PMP22: variants seen among roughly 807,000 people sequenced by gnomAD.
PMP22 encodes the protein peripheral myelin protein 22, also known as Charcot-Marie-Tooth neuropathy 1A (greatly reduced nerve conduction velocity, hereditary motor sensory neuropathy Ia).
A neutral mutation model predicts 18.9 loss-of-function variants in PMP22; 2 were observed. The ratio of observed to expected loss-of-function variants is 0.11; its 90% CI spans 0.04 to 0.33. PMP22 has a LOEUF of 0.33. Among genes scored for constraint, PMP22 ranks in the 10% least tolerant of loss-of-function variants. PMP22 has a pLI of 1.00. For missense variants in PMP22, 169 were observed against 202.2 expected, an observed-to-expected ratio of 0.84 and a Z score of 1.00; for synonymous variants, 95 against 89.2, an observed-to-expected ratio of 1.07 and a Z score of -0.37.
chr17:15,259,664 G>A (rs555053722), intron 2 of PMP22, among the ~76,000 whole-genome samples: 8 of 152,004 alleles, frequency 5.3e-5, no homozygotes, highest in Admixed American at 2.0e-4. Flanking sequence ...CTTACAGGCC[G>A]GGCACGGTGG....
chr17:15,246,083 A>T (rs1160660789), intron 3 of PMP22, among the ~76,000 whole-genome samples: 1 of 152,222 alleles, frequency 6.6e-6, no homozygotes, highest in African/African-American at 2.4e-5. Flanking sequence ...GGTTATTAGC[A>T]CATTGGCCAG....
At chr17:15,237,194 G>A (rs3785654) in intron 4 of PMP22, among the ~76,000 whole-genome samples, 24,488 of 152,112 alleles carry the variant, frequency 0.16, 3,165 homozygotes, top group African/African-American at 0.35. Flanking sequence ...TACTTAAATC[G>A]CAATACCTAG....
At chr17:15,237,151 G>T (rs1906886659) in intron 4 of PMP22, among the ~76,000 whole-genome samples, 1 of 152,176 alleles carries the variant, frequency 6.6e-6, no homozygotes, top group Middle Eastern at 3.2e-3. Flanking sequence ...GGAGGAGAAT[G>T]AAAATAGTGA....
At chr17:15,245,831 C>T (rs1406952980) in intron 3 of PMP22, among the ~76,000 whole-genome samples, 1 of 151,794 alleles carries the variant, frequency 6.6e-6, no homozygotes, top group African/African-American at 2.4e-5. Context: ...ACAGTGAAAA[C>T]CCGTCTCTAC....
chr17:15,245,768 A>G (rs1187503545), intron 3 of PMP22, among the ~76,000 whole-genome samples: 1 of 151,954 alleles, frequency 6.6e-6, no homozygotes, highest in African/African-American at 2.4e-5. Flanking sequence ...AGCACTTGGG[A>G]GGCCCAGGAG....
intron 4 of PMP22, among the ~76,000 whole-genome samples, chr17:15,231,310 G>T (rs1319390157): frequency 6.6e-6 from 1 of 152,108 alleles, no homozygotes; most frequent in African/African-American, 2.4e-5. Context: ...ATACCTGAGG[G>T]TTTTCTTTAC....
Position 15,257,252 on chromosome 17 carries a change from G to T in PMP22, c.178+1842C>A, listed in dbSNP as rs564187491. 3.9e-5 allele frequency among the ~76,000 whole-genome samples: 6 copies of T among 152,278 alleles called. No individual in the cohort carries two copies. The East Asian group carries it at 1.2e-3, about 29-fold the overall frequency. On this transcript the variant is annotated intron_variant, in intron 3 of 4. Coordinates refer to ENST00000312280, the MANE Select transcript of PMP22 (RefSeq NM_000304.4). ...GCACCAACTGACAGCTATTTCCAAC[G>T]GCAGAAGACACCAAATGTCAATCTG...
chr17:15,260,277 C>T (rs1489000403), intron 2 of PMP22: 1 of 293,804 alleles, frequency 3.4e-6, no homozygotes, highest in East Asian at 7.8e-5. Context: ...TTAATTCACC[C>T]ATCTGACTAT....
intron 3 of PMP22, among the ~76,000 whole-genome samples, chr17:15,257,566 C>G (rs1410131857): frequency 6.6e-6 from 1 of 152,196 alleles, no homozygotes; most frequent in Non-Finnish European, 1.5e-5. Context: ...CGGAGTGCTC[C>G]GGGAACTTCA....
At chr17:15,240,407 T>A (rs1434298670) in intron 3 of PMP22, among the ~76,000 whole-genome samples, 1 of 40,030 alleles carries the variant, frequency 2.5e-5, no homozygotes, top group Non-Finnish European at 5.9e-5. Flanking sequence ...CAACCCGTAT[T>A]TTTTTTTTTT....
At chr17:15,256,428 G>C (rs1026956967) in intron 3 of PMP22, among the ~76,000 whole-genome samples, 1 of 152,114 alleles carries the variant, frequency 6.6e-6, no homozygotes, top group African/African-American at 2.4e-5. Context: ...GATCTCCTGA[G>C]GTCAGGAGTT....
intron 3 of PMP22, among the ~76,000 whole-genome samples, chr17:15,242,974 C>T (rs762689696): frequency 6.6e-6 from 1 of 151,920 alleles, no homozygotes; most frequent in Non-Finnish European, 1.5e-5. Context: ...AAAGTAAAAA[C>T]TTCTTCAGCA....
At chr17:15,252,934 T>G (rs1158881158) in intron 3 of PMP22, among the ~76,000 whole-genome samples, 1 of 152,188 alleles carries the variant, frequency 6.6e-6, no homozygotes, top group African/African-American at 2.4e-5. Flanking sequence ...TCTGACCCAT[T>G]CTGCTACACG....
At chr17:15,246,826 C>T (rs1469429760) in intron 3 of PMP22, among the ~76,000 whole-genome samples, 1 of 152,082 alleles carries the variant, frequency 6.6e-6, no homozygotes, top group African/African-American at 2.4e-5. Context: ...AATCCCAGCA[C>T]TTTGGGAGGC....
At chr17:15,241,330 C>G (rs564167930) in intron 3 of PMP22, among the ~76,000 whole-genome samples, 1 of 152,272 alleles carries the variant, frequency 6.6e-6, no homozygotes, top group Non-Finnish European at 1.5e-5. Flanking sequence ...ATAATGTTCT[C>G]ATAATATTGT....
intron 3 of PMP22, among the ~76,000 whole-genome samples, chr17:15,245,153 C>A (rs1414572025): frequency 3.9e-5 from 6 of 152,296 alleles, no homozygotes; most frequent in African/African-American, 1.4e-4. Context: ...CTCCAAAAGG[C>A]TGGTGCAAGA....
At chr17:15,254,029 C>A (rs774523705) in intron 3 of PMP22, among the ~76,000 whole-genome samples, 1 of 152,066 alleles carries the variant, frequency 6.6e-6, no homozygotes, top group African/African-American at 2.4e-5. Context: ...GAGAGACTCC[C>A]GAAGTGGGAA....
chr17:15,234,277 G>T (rs1166589655), intron 4 of PMP22, among the ~76,000 whole-genome samples: 1 of 152,184 alleles, frequency 6.6e-6, no homozygotes, highest in African/African-American at 2.4e-5. Context: ...GGGGAATAGA[G>T]CTTCAAAGAG....
intron 3 of PMP22, among the ~76,000 whole-genome samples, chr17:15,244,197 G>A (rs576627700): frequency 1.3e-5 from 2 of 152,178 alleles, no homozygotes; most frequent in Non-Finnish European, 2.9e-5. Flanking sequence ...CCAAGGAAAT[G>A]CAAGAGAAAC....
Sources: gnomAD v4.1 joint callset for allele counts (sites outside exome capture counted in the v4.1 genomes callset) on GRCh38, gnomAD v4.1.1 for gene constraint, MANE v1.5 for transcripts, NCBI Gene and HGNC (gene_info 2026-07-23, HGNC 2026-07-21) for gene names.